Variants in VPS13A observed in about 807,000 individuals in gnomAD.
The protein encoded by VPS13A is intermembrane lipid transfer protein VPS13A.
Under a neutral mutation model 390.9 loss-of-function variants are expected in VPS13A, and 264 were observed. The ratio of observed to expected loss-of-function variants is 0.68; its 90% CI spans 0.61 to 0.75. VPS13A has a LOEUF of 0.75. Among genes scored for constraint, VPS13A ranks in the 30% least tolerant of loss-of-function variants. The pLI is 0.00. For missense variants in VPS13A, 3,409 were observed against 3,733.9 expected (o/e 0.91, Z 2.27); for synonymous variants, 1,231 against 1,227.1 (o/e 1.00, Z -0.07).
In VPS13A at chr9:77,415,748, T is replaced by G. The variant is rs147204058; in HGVS notation, c.9475-208T>G. Among the ~76,000 whole-genome samples, 17 of 152,274 alleles carry G rather than the reference T, an allele frequency of 1.1e-4. No homozygotes were observed. The East Asian group carries it at 3.3e-3, about 29-fold the overall frequency. ...TCCAAAGACCTTAGAAGAACTGCAT[T>G]CCTACTATTAAACCAAGTACTATTG... On this transcript the variant is annotated intron_variant, in intron 71 of 71. Transcript: ENST00000360280.
intron 51 of VPS13A, among the ~76,000 whole-genome samples, chr9:77,344,644 A>C (rs1002795302): frequency 6.6e-6 from 1 of 152,058 alleles, no homozygotes. Context: ...CTGTAGTCCC[A>C]GCTACTCGGG....
intron 7 of VPS13A, 132 bp from the exon 8 acceptor site, chr9:77,212,837 A>G: frequency 3.3e-6 from 3 of 902,498 alleles, no homozygotes; most frequent in South Asian, 2.9e-5. Flanking sequence ...GTATTTTTTG[A>G]TGGAGTGATA....
intron 1 of VPS13A, among the ~76,000 whole-genome samples, chr9:77,196,673 TTG>T (rs1825022004): frequency 6.7e-6 from 1 of 149,628 alleles, no homozygotes; most frequent in Non-Finnish European, 1.5e-5. Context: ...TTGTTTTGTT[TTG>T]TTTTTTTTTT....
chr9:77,210,475 C>A, intron 6 of VPS13A, 141 bp from the exon 7 acceptor site: 1 of 753,998 alleles, frequency 1.3e-6, no homozygotes, highest in Non-Finnish European at 2.3e-6. Flanking sequence ...GTCTCCAGAG[C>A]TCAAGCAGTC....
intron 1 of VPS13A, among the ~76,000 whole-genome samples, chr9:77,179,028 C>T (rs1823838384): frequency 6.6e-6 from 1 of 152,158 alleles, no homozygotes; most frequent in Non-Finnish European, 1.5e-5. Flanking sequence ...GATAGCTGCT[C>T]AGCCTGTTTG....
intron 23 of VPS13A, 52 bp downstream of exon 23, chr9:77,260,276 T>C: frequency 6.3e-7 from 1 of 1,577,808 alleles, no homozygotes; most frequent in Non-Finnish European, 8.7e-7. Context: ...AGTCCACAAA[T>C]AGTATTTCAA....
At position 77,226,557 on chromosome 9, in the gene VPS13A, A is replaced by G; in HGVS notation, c.1316A>G (p.Glu439Gly). The stretch of plus-strand genomic sequence containing the variant: ...TTTAGCTGGCTATGGTCTTGGTCAG[A>G]ACAAAATACTAATGAACAGCAACCA... ...GWFSWLWSWSEQNTNEQQPDV... is the reference protein window; with the variant it reads ...GWFSWLWSWSGQNTNEQQPDV... Residue 439 changes from glutamate to glycine, a missense_variant, in exon 15 of 72, where the codon GAA becomes GGA. By Grantham distance (98) the Glu-to-Gly change is moderately conservative. Coordinates refer to ENST00000360280, the MANE Select transcript of VPS13A (RefSeq NM_033305.3). The G allele has an allele frequency of 6.2e-7, 1 of 1,613,010 alleles. No homozygotes were observed. The highest frequency in any genetic ancestry group is 8.5e-7 in the Non-Finnish European group (1 of 1,179,338).
Position 77,274,299 on chromosome 9 carries a change from A to G in VPS13A, c.2512+935A>G, listed in dbSNP as rs1280838513. On this transcript the variant is annotated intron_variant, in intron 24 of 71. Coordinates refer to ENST00000360280, the MANE Select transcript of VPS13A (RefSeq NM_033305.3). ...AAAAATTAGCTGGGAGTGGTGCTGC[A>G]CACCTGTAGTCCCGGCGACTCGGGA... Among the ~76,000 whole-genome samples the G allele has an allele frequency of 5.3e-5, 8 of 152,126 alleles. No homozygotes were observed. The East Asian group carries it at 1.5e-3, about 29-fold the overall frequency.
intron 67 of VPS13A, 118 bp from the exon 68 acceptor site, chr9:77,381,858 A>AC (rs1365741418): frequency 4.8e-5 from 33 of 686,016 alleles, no homozygotes; most frequent in African/African-American, 4.4e-4. Flanking sequence ...ATTTAAAATT[A>AC]GAGAATGTTG....
intron 10 of VPS13A, 150 bp from the exon 11 acceptor site, chr9:77,219,804 C>T: frequency 1.3e-6 from 1 of 741,450 alleles, no homozygotes; most frequent in East Asian, 2.7e-5. Context: ...ACACATGGTT[C>T]ATCTGACTGA....
chr9:77,357,316 CAAAAAAAAAAAAAAA>C (rs1156801817), intron 55 of VPS13A, among the ~76,000 whole-genome samples: 843 of 44,626 alleles, frequency 0.019, 24 homozygotes, highest in African/African-American at 0.089. Context: ...GACTCTGTCT[CAAAAAAAAAAAAAAA>C]AAAAAAAAAA....
At chr9:77,283,692 G>A (rs1435529040) in intron 31 of VPS13A, 42 bp downstream of exon 31, 1 of 1,447,010 alleles carries the variant, frequency 6.9e-7, no homozygotes, top group Admixed American at 1.8e-5. Context: ...TCATTAAATA[G>A]GATTGTCCTT....
intron 14 of VPS13A, 63 bp downstream of exon 14, chr9:77,226,051 G>C: frequency 2.1e-6 from 3 of 1,432,600 alleles, no homozygotes; most frequent in South Asian, 1.2e-5. Context: ...TGACAGATGT[G>C]ATATTATTAA....
intron 50 of VPS13A, among the ~76,000 whole-genome samples, chr9:77,341,945 C>A (rs1830849953): frequency 6.6e-6 from 1 of 151,732 alleles, no homozygotes; most frequent in South Asian, 2.1e-4. Context: ...ATTAATAATA[C>A]CGTAATCAAT....
chr9:77,409,032 G>C (rs979125893), intron 71 of VPS13A, among the ~76,000 whole-genome samples: 1 of 152,294 alleles, frequency 6.6e-6, no homozygotes, highest in South Asian at 2.1e-4. Flanking sequence ...GAGCCTAACT[G>C]GGAGGCACCC....
In VPS13A at chr9:77,314,035, T is replaced by C. The variant is rs1829241422; in HGVS notation, c.4158T>C (p.Arg1386=). Reference sequence around the variant, plus strand: ...CTGCTGTGGTAGAAGTACATTCACGTGCCTTACTAGTTAAGACAACACTAA... The same window carrying C: ...CTGCTGTGGTAGAAGTACATTCACGCGCCTTACTAGTTAAGACAACACTAA... ...VTAAVVEVHS[R]ALLVKTTLNI... The change falls in exon 36 of 72, where the codon CGT becomes CGC. Residue 1386 remains arginine (R), a synonymous_variant. Transcript: ENST00000360280. 6.2e-7 allele frequency: 1 copy of C among 1,613,468 alleles called. No individual in the cohort carries two copies. Among genetic ancestry groups the C allele is most frequent in the African/African-American group, 1.3e-5 (1 of 75,028 alleles).
At chr9:77,406,025 T>G in intron 70 of VPS13A, 38 bp downstream of exon 70, 2 of 1,610,516 alleles carry the variant, frequency 1.2e-6, no homozygotes, top group Non-Finnish European at 1.7e-6. Flanking sequence ...AACTTGGAAC[T>G]GAAAATAATG....
intron 54 of VPS13A, 84 bp from the exon 55 acceptor site, chr9:77,356,630 T>C (rs1831795438): frequency 3.5e-6 from 5 of 1,422,902 alleles, no homozygotes; most frequent in South Asian, 2.5e-5. Context: ...TTAGTGAAGG[T>C]ATTGTAATTC....
At chr9:77,257,958 A>G (rs1028993649) in intron 22 of VPS13A, among the ~76,000 whole-genome samples, 1 of 152,232 alleles carries the variant, frequency 6.6e-6, no homozygotes, top group Admixed American at 6.5e-5. Context: ...TAGTAGAGTT[A>G]TAAACCAAAA....
Sources: gnomAD v4.1 joint callset for allele counts (sites outside exome capture counted in the v4.1 genomes callset) on GRCh38, gnomAD v4.1.1 for gene constraint, MANE v1.5 for transcripts, NCBI Gene and HGNC (gene_info 2026-07-23, HGNC 2026-07-21) for gene names.